The following CCDC88C variants were observed in gnomAD, a reference collection of about 807,000 sequenced individuals.
CCDC88C encodes the protein coiled-coil and HOOK domain protein 88C.
CCDC88C carries 131 observed loss-of-function variants against 198.8 expected under a neutral mutation model. That is an observed-to-expected ratio of 0.66 (90% CI 0.57 to 0.76). The LOEUF (loss-of-function observed/expected upper bound fraction) is 0.76, where lower values mean the gene tolerates loss of function less well. Ranked by LOEUF, CCDC88C falls within the 30% of genes least tolerant of loss-of-function variation. The pLI is 0.00. For missense variants in CCDC88C, 2,553 were observed against 2,631.6 expected (o/e 0.97, Z 0.65); for synonymous variants, 1,166 against 1,114.7 (o/e 1.05, Z -0.92).
At chr14:91,397,698 A>G (rs2032104887) in intron 3 of CCDC88C, among the ~76,000 whole-genome samples, 1 of 152,146 alleles carries the variant, frequency 6.6e-6, no homozygotes, top group African/African-American at 2.4e-5. Context: ...AGGTGCCTGA[A>G]GCAACCCGGT....
At chr14:91,300,953 C>T (rs984277732) in intron 20 of CCDC88C, among the ~76,000 whole-genome samples, 5 of 152,196 alleles carry the variant, frequency 3.3e-5, no homozygotes, top group African/African-American at 9.7e-5. Flanking sequence ...TCCTGAGTGT[C>T]TCACACCCAA....
intron 10 of CCDC88C, among the ~76,000 whole-genome samples, chr14:91,330,458 G>A (rs1002240292): frequency 1.8e-4 from 28 of 152,190 alleles, no homozygotes. Flanking sequence ...GAGGCAGACT[G>A]GCCAGTCCAG....
rs1021909859 is a variant in CCDC88C, at chr14:91,339,015, G to A, written c.809+263C>T. The A allele has an allele frequency of 5.2e-6, 3 of 572,394 alleles. No homozygotes were observed. Among genetic ancestry groups the A allele is most frequent in the Non-Finnish European group, 9.5e-6 (3 of 314,248 alleles). 35.5% of individuals were successfully genotyped at this position (572,394 alleles called of 1,614,324 possible). ...AAGCTGGAGCTGAGCGTGGACTGGAGGCTGCTTCTGTGGACAACTTGCACC... is the reference window on the plus strand; with the variant it reads ...AAGCTGGAGCTGAGCGTGGACTGGAAGCTGCTTCTGTGGACAACTTGCACC... On this transcript the variant is annotated intron_variant, in intron 8 of 29. Transcript: ENST00000389857. The surrounding 1 kb of genome is among the most constrained non-coding windows in gnomAD (Gnocchi z 5.8).
intron 3 of CCDC88C, among the ~76,000 whole-genome samples, chr14:91,399,282 A>C (rs1041385505): frequency 6.6e-6 from 1 of 151,988 alleles, no homozygotes; most frequent in African/African-American, 2.4e-5. Flanking sequence ...CACTAAGCCC[A>C]CTTCTCCTCA....
intron 3 of CCDC88C, among the ~76,000 whole-genome samples, chr14:91,402,819 A>C (rs920020279): frequency 1.3e-5 from 2 of 152,194 alleles, no homozygotes; most frequent in Admixed American, 1.3e-4. Context: ...TTTATTTTTA[A>C]TTCTTCAAAA....
At chr14:91,392,723 T>TCA (rs1390897238) in intron 3 of CCDC88C, among the ~76,000 whole-genome samples, 2 of 149,258 alleles carry the variant, frequency 1.3e-5, no homozygotes, top group Non-Finnish European at 2.9e-5. Flanking sequence ...CTGCAACCCC[T>TCA]CACTGAGCCC....
At chr14:91,342,306 A>C in intron 6 of CCDC88C, 74 bp downstream of exon 6, 1 of 852,642 alleles carries the variant, frequency 1.2e-6, no homozygotes. Context: ...TTCCACTCAT[A>C]GAGAAGTTTT....
At chr14:91,285,409 C>T (rs762848865) in intron 25 of CCDC88C, 3 of 455,366 alleles carry the variant, frequency 6.6e-6, no homozygotes, top group Non-Finnish European at 1.3e-5. Context: ...TACGGACATC[C>T]TGGCCCAAGG....
chr14:91,283,667 TGGGGCCTGGC>T, intron 25 of CCDC88C, 150 bp from the exon 26 acceptor site: 1 of 736,108 alleles, frequency 1.4e-6, no homozygotes, highest in Non-Finnish European at 2.2e-6. Flanking sequence ...GCAACTTAAA[TGGGGCCTGGC>T]GGGGCAGGTG....
intron 17 of CCDC88C, among the ~76,000 whole-genome samples, chr14:91,308,133 C>T (rs541005339): frequency 1.3e-5 from 2 of 152,356 alleles, no homozygotes; most frequent in African/African-American, 4.8e-5. Context: ...CTCTAGGCCA[C>T]TGCCCGCCTC....
intron 4 of CCDC88C, among the ~76,000 whole-genome samples, chr14:91,348,927 T>A (rs763620338): frequency 3.3e-5 from 5 of 152,070 alleles, no homozygotes; most frequent in Non-Finnish European, 7.4e-5. Context: ...CCTACAAAAT[T>A]TTTTTTTAAA....
At chr14:91,416,362 C>T (rs1047917684) in intron 2 of CCDC88C, among the ~76,000 whole-genome samples, 3 of 152,168 alleles carry the variant, frequency 2.0e-5, no homozygotes, top group African/African-American at 4.8e-5. Context: ...CCTGGGCCCA[C>T]CCCGACACTT....
intron 25 of CCDC88C, chr14:91,285,770 G>A: frequency 7.8e-7 from 1 of 1,289,154 alleles, no homozygotes; most frequent in Non-Finnish European, 1.0e-6. Flanking sequence ...AGCTGGGTGG[G>A]TCGTTGGAGA....
chr14:91,374,455 T>A lies in CCDC88C; in HGVS notation c.271-14744A>T, dbSNP rs1171146194. 3.9e-5 allele frequency among the ~76,000 whole-genome samples: 6 copies of A among 152,056 alleles called. No individual in the cohort carries two copies. In the East Asian group the frequency reaches 1.2e-3, roughly 29 times the overall value. On this transcript the variant is annotated intron_variant, in intron 3 of 29. Coordinates refer to ENST00000389857, the MANE Select transcript of CCDC88C (RefSeq NM_001080414.4). ...TGTTAAGAAGCAAAATAAAGGAACA[T>A]AGGAGGAAGTGACAGAAAACATAGC...
At chr14:91,390,306 T>C (rs1422363185) in intron 3 of CCDC88C, among the ~76,000 whole-genome samples, 2 of 152,196 alleles carry the variant, frequency 1.3e-5, no homozygotes, top group African/African-American at 4.8e-5. Flanking sequence ...CATAGCCATA[T>C]GTTCCACAGA....
chr14:91,393,841 G>A (rs1427401454), intron 3 of CCDC88C, among the ~76,000 whole-genome samples: 2 of 152,302 alleles, frequency 1.3e-5, no homozygotes, highest in South Asian at 2.1e-4. Flanking sequence ...GCGACAGAGC[G>A]AGACTCCGTC....
At chr14:91,405,323 C>A (rs370626663) in intron 3 of CCDC88C, among the ~76,000 whole-genome samples, 1 of 152,134 alleles carries the variant, frequency 6.6e-6, no homozygotes, top group African/African-American at 2.4e-5. Flanking sequence ...CCAGAATGCG[C>A]GACCTTGATG....
intron 10 of CCDC88C, among the ~76,000 whole-genome samples, chr14:91,329,455 C>T (rs547116671): frequency 3.9e-5 from 6 of 152,318 alleles, no homozygotes; most frequent in South Asian, 2.1e-4. Flanking sequence ...CAGGCCTCCA[C>T]GGCCTCTGAG....
At chr14:91,372,528 C>T (rs1280899051) in intron 3 of CCDC88C, among the ~76,000 whole-genome samples, 1 of 24,532 alleles carries the variant, frequency 4.1e-5, no homozygotes, top group Non-Finnish European at 7.6e-5. Context: ...GGCAGTGGTG[C>T]GGGGGGGGGC....
Sources: allele counts gnomAD v4.1 joint callset (sites outside exome capture counted in the v4.1 genomes callset), GRCh38; gene constraint gnomAD v4.1.1; non-coding constraint Gnocchi (gnomAD v3.1); transcripts MANE v1.5; gene names NCBI Gene and HGNC (gene_info 2026-07-23, HGNC 2026-07-21).